SIPA1L1: variants seen among roughly 807,000 people sequenced by gnomAD.
SIPA1L1 encodes the protein signal-induced proliferation-associated 1-like protein 1.
A neutral mutation model predicts 162.7 loss-of-function variants in SIPA1L1; 26 were observed. That is an observed-to-expected ratio of 0.16 (90% CI 0.12 to 0.22). The LOEUF is 0.22. SIPA1L1 is among the 10% of genes least tolerant of loss of function. The pLI, the probability that SIPA1L1 is intolerant of heterozygous loss-of-function variation, is 1.00. For synonymous variants in SIPA1L1, 829 were observed against 837.4 expected, an observed-to-expected ratio of 0.99 and a Z score of 0.17; for missense variants, 1,874 against 2,241.0, an observed-to-expected ratio of 0.84 and a Z score of 3.31.
chr14:71,572,330 C>G (rs1206226812), intron 4 of SIPA1L1, among the ~76,000 whole-genome samples: 1 of 152,188 alleles, frequency 6.6e-6, no homozygotes, highest in Admixed American at 6.5e-5. Context: ...CTTGAAAATT[C>G]TAATGGCAAA....
intron 15 of SIPA1L1, 140 bp from the exon 16 acceptor site, chr14:71,705,082 A>G: frequency 1.5e-6 from 1 of 682,342 alleles, no homozygotes; most frequent in South Asian, 1.8e-5. Flanking sequence ...TATCAAATAG[A>G]CTCTTAACAA....
chr14:71,638,495 A>T (rs2041388419), intron 7 of SIPA1L1, among the ~76,000 whole-genome samples: 1 of 152,256 alleles, frequency 6.6e-6, no homozygotes, highest in Admixed American at 6.5e-5. Flanking sequence ...GAACTTATTT[A>T]TGATAAAAAC....
intron 4 of SIPA1L1, among the ~76,000 whole-genome samples, chr14:71,581,735 G>T (rs1486701979): frequency 6.6e-6 from 1 of 152,024 alleles, no homozygotes; most frequent in Non-Finnish European, 1.5e-5. Context: ...CTATCCTGAT[G>T]GCAGGCATGG....
intron 5 of SIPA1L1, among the ~76,000 whole-genome samples, chr14:71,590,042 AAAATATATATATAT>A (rs1466869075): frequency 6.7e-4 from 41 of 61,524 alleles, no homozygotes; most frequent in African/African-American, 2.9e-3. Context: ...AAAAAAAAAA[AAAATATATATATAT>A]ATATATATAT....
intron 7 of SIPA1L1, among the ~76,000 whole-genome samples, chr14:71,637,293 A>G (rs181517854): frequency 1.2e-3 from 187 of 152,220 alleles, no homozygotes; most frequent in African/African-American, 4.2e-3. Context: ...ACTGTGCTCT[A>G]AAAATAGGAG....
chr14:71,734,022 A>G (rs1043365146), intron 21 of SIPA1L1, among the ~76,000 whole-genome samples: 10 of 152,270 alleles, frequency 6.6e-5, no homozygotes, highest in African/African-American at 2.2e-4. Flanking sequence ...TTTCCTCCAC[A>G]GGATTCATAA....
At chr14:71,368,017 A>G (rs1166434506) in intron 2 of SIPA1L1, among the ~76,000 whole-genome samples, 1 of 149,670 alleles carries the variant, frequency 6.7e-6, no homozygotes, top group Non-Finnish European at 1.5e-5. Flanking sequence ...GAAATCTTAA[A>G]CCTTTTTTAC....
chr14:71,658,088 A>G (rs1251470060), intron 8 of SIPA1L1, among the ~76,000 whole-genome samples: 6 of 151,864 alleles, frequency 4.0e-5, no homozygotes, highest in Non-Finnish European at 7.4e-5. Context: ...TTCTTTTGAA[A>G]TCTTATGTTT....
intron 2 of SIPA1L1, among the ~76,000 whole-genome samples, chr14:71,420,843 A>G (rs950756672): frequency 2.6e-5 from 4 of 152,214 alleles, no homozygotes; most frequent in Admixed American, 6.5e-5. Flanking sequence ...TGTCATCACC[A>G]TTAACAAACT....
rs116282028 is a variant in SIPA1L1, at chr14:71,572,533, C to A, written c.-302-15038C>A. Among the ~76,000 whole-genome samples, 960 of 152,178 alleles carry A rather than the reference C, an allele frequency of 6.3e-3. 6 individuals carry two copies. The highest frequency in any genetic ancestry group is 0.022 in the African/African-American group (902 of 41,510). On this transcript the variant is annotated intron_variant, in intron 4 of 23. Coordinates refer to ENST00000381232, the MANE Select transcript of SIPA1L1 (RefSeq NM_001386936.1). ...GAAATCTGGGAGACGTGGGATCCATCCAGGAGAGAAAGAAAGGAACTGTCA... is the reference window on the plus strand; with the variant it reads ...GAAATCTGGGAGACGTGGGATCCATACAGGAGAGAAAGAAAGGAACTGTCA...
chr14:71,458,671 A>C (rs1422720366), intron 2 of SIPA1L1, among the ~76,000 whole-genome samples: 3 of 152,180 alleles, frequency 2.0e-5, no homozygotes, highest in Non-Finnish European at 4.4e-5. Flanking sequence ...GGGGCTTTAC[A>C]TATGCTATCA....
chr14:71,551,849 A>G (rs779553706), intron 4 of SIPA1L1, among the ~76,000 whole-genome samples: 2 of 152,046 alleles, frequency 1.3e-5, no homozygotes, highest in African/African-American at 4.8e-5. Flanking sequence ...TGGAACATTC[A>G]TGCTTTGTGT....
chr14:71,697,944 A>AC (rs200206937), intron 13 of SIPA1L1, among the ~76,000 whole-genome samples: 8 of 151,578 alleles, frequency 5.3e-5, no homozygotes, highest in African/African-American at 7.3e-5. Context: ...CAAAAAAAAA[A>AC]CCACAGAAAA....
rs1250472269 is a variant in SIPA1L1, at chr14:71,589,064, C to G, written c.1192C>G (p.Leu398Val). The change falls in exon 5 of 24, where the codon CTC (leucine) becomes GTC (valine). Residue 398 changes from leucine to valine, a missense_variant. Physicochemically the swap from Leu to Val is conservative, Grantham distance 32. Transcript: ENST00000381232. ...STEDLNSKGSLSMDQGDDKSN... is the reference protein window; with the variant it reads ...STEDLNSKGSVSMDQGDDKSN... ...AGAGGACCTGAATTCCAAAGGAAGCCTCAGCATGGACCAGGGAGATGATAA... is the reference window on the plus strand; with the variant it reads ...AGAGGACCTGAATTCCAAAGGAAGCGTCAGCATGGACCAGGGAGATGATAA... 4 of 1,613,980 alleles carry G rather than the reference C, an allele frequency of 2.5e-6. No individual in the cohort carries two copies. The highest frequency in any genetic ancestry group is 1.3e-5 in the African/African-American group (1 of 74,916).
intron 5 of SIPA1L1, among the ~76,000 whole-genome samples, chr14:71,596,324 C>G (rs925962344): frequency 2.6e-5 from 4 of 152,126 alleles, no homozygotes; most frequent in African/African-American, 9.7e-5. Flanking sequence ...CAGCTATTGA[C>G]TAGGGGCTGC....
intron 4 of SIPA1L1, among the ~76,000 whole-genome samples, chr14:71,549,591 A>C (rs2055596881): frequency 6.6e-6 from 1 of 152,146 alleles, no homozygotes; most frequent in African/African-American, 2.4e-5. Context: ...AGTTCCTTGA[A>C]ATAGGTCACC....
chr14:71,512,462 C>T (rs1486068942), intron 2 of SIPA1L1, among the ~76,000 whole-genome samples: 4 of 151,616 alleles, frequency 2.6e-5, no homozygotes, highest in Non-Finnish European at 5.9e-5. Flanking sequence ...TGCCACGTGC[C>T]TATAGTCCCA....
intron 4 of SIPA1L1, among the ~76,000 whole-genome samples, chr14:71,562,290 C>G (rs963342439): frequency 2.6e-5 from 4 of 151,788 alleles, no homozygotes; most frequent in Non-Finnish European, 5.9e-5. Flanking sequence ...TAGTAAATTA[C>G]CCAGTCTTTA....
rs116805950 is a variant in SIPA1L1 at position 71,333,583 on chromosome 14, A to G, written c.-465+12402A>G. Among the ~76,000 whole-genome samples, 775 of 152,306 alleles carry G rather than the reference A, an allele frequency of 5.1e-3. 6 individuals carry two copies. The highest frequency in any genetic ancestry group is 0.018 in the African/African-American group (729 of 41,554). On this transcript the variant is annotated intron_variant, in intron 2 of 23. Coordinates refer to ENST00000381232, the MANE Select transcript of SIPA1L1 (RefSeq NM_001386936.1). The stretch of plus-strand genomic sequence containing the variant: ...CAAAGAACAGTGGAAGATTTGTTCT[A>G]GTCCTGGCTTTACTACATACTAGTT...
Sources: gnomAD v4.1 joint callset for allele counts (sites outside exome capture counted in the v4.1 genomes callset) on GRCh38, gnomAD v4.1.1 for gene constraint, MANE v1.5 for transcripts, NCBI Gene and HGNC (gene_info 2026-07-23, HGNC 2026-07-21) for gene names.